The following SMARCAD1 variants were observed in gnomAD, a reference collection of about 807,000 sequenced individuals.
SMARCAD1 encodes SWI/SNF-related matrix-associated actin-dependent regulator of chromatin subfamily A containing DEAD/H box 1.
Under a neutral mutation model 127.1 loss-of-function variants are expected in SMARCAD1, and 25 were observed. The ratio of observed to expected loss-of-function variants is 0.20; its 90% CI spans 0.14 to 0.27. The LOEUF (loss-of-function observed/expected upper bound fraction) is 0.27, where lower values mean the gene tolerates loss of function less well. Among genes scored for constraint, SMARCAD1 ranks in the 10% least tolerant of loss-of-function variants. SMARCAD1 has a pLI of 1.00. For missense variants in SMARCAD1, 807 were observed against 1,206.0 expected (o/e 0.67, Z 4.90); for synonymous variants, 400 against 396.9 (o/e 1.01, Z -0.09).
rs117049546 is a variant in SMARCAD1, at chr4:94,233,237, A to G, written c.369-717A>G. ...TCATTCTCTGATCTCTATAACTTAC[A>G]TTCATTTGTTACTGTTCTAGTTCTG... On this transcript the variant is annotated intron_variant, in intron 3 of 23. Coordinates refer to ENST00000354268, the MANE Select transcript of SMARCAD1 (RefSeq NM_020159.5). Among the ~76,000 whole-genome samples the G allele has an allele frequency of 2.6e-4, 40 of 152,292 alleles. No homozygotes were observed. In the East Asian group the frequency reaches 6.9e-3, roughly 26 times the overall value.
At chr4:94,241,097 C>A in intron 6 of SMARCAD1, 91 bp downstream of exon 6, 1 of 827,894 alleles carries the variant, frequency 1.2e-6, no homozygotes, top group Non-Finnish European at 2.0e-6. Context: ...TGAAAATCCA[C>A]CTAAATGAAT....
At chr4:94,249,817 GTT>G in intron 7 of SMARCAD1, 62 bp downstream of exon 7, 1 of 951,950 alleles carries the variant, frequency 1.1e-6, no homozygotes, top group Non-Finnish European at 1.7e-6. Context: ...ATAAAATAGT[GTT>G]AAGAGTTCAA....
At chr4:94,280,487 A>G (rs898923417) in intron 19 of SMARCAD1, 105 bp from the exon 20 acceptor site, 5 of 1,013,176 alleles carry the variant, frequency 4.9e-6, no homozygotes, top group South Asian at 4.4e-5. Context: ...AAAAGGTTCT[A>G]TGATTTAGAT....
At chr4:94,266,355 G>C (rs1304542795) in intron 10 of SMARCAD1, among the ~76,000 whole-genome samples, 1 of 152,054 alleles carries the variant, frequency 6.6e-6, no homozygotes. Context: ...TAAATAGTTT[G>C]ATCAGGTAAT....
rs535710589 is a variant in SMARCAD1 at position 94,275,796 on chromosome 4, C to CTTTTTTTTT, written c.1809-533_1809-525dup. Among the ~76,000 whole-genome samples the CTTTTTTTTT allele has an allele frequency of 1.0e-3, 85 of 85,380 alleles. 3 individuals carry two copies. Among genetic ancestry groups the CTTTTTTTTT allele is most frequent in the African/African-American group, 2.1e-3 (56 of 26,712 alleles). 56.0% of individuals were successfully genotyped at this position (85,380 alleles called of 152,430 possible). ...TGTCCGATTGTAACATTAACATTTTCTTTTTTTTTTTTTTTTTTGAGACGG... is the reference window on the plus strand; with the variant it reads ...TGTCCGATTGTAACATTAACATTTTCTTTTTTTTTTTTTTTTTTTTTTTTTTTGAGACGG... On this transcript the variant is annotated intron_variant, in intron 14 of 23. Transcript: ENST00000354268.
intron 2 of SMARCAD1, among the ~76,000 whole-genome samples, chr4:94,213,448 A>G (rs1742617489): frequency 6.6e-6 from 1 of 152,192 alleles, no homozygotes; most frequent in Non-Finnish European, 1.5e-5. Context: ...TTTAGACAAT[A>G]TAGATGAAAC....
chr4:94,249,553 A>T, intron 6 of SMARCAD1, 101 bp from the exon 7 acceptor site: 1 of 726,436 alleles, frequency 1.4e-6, no homozygotes, highest in Non-Finnish European at 2.5e-6. Context: ...CTGACTGATG[A>T]TGATAATTTT....
In SMARCAD1 at chr4:94,226,022, A is replaced by G. The variant is rs530697341; in HGVS notation, c.191-97A>G. On this transcript the variant is annotated intron_variant, in intron 2 of 23. Coordinates refer to ENST00000354268, the MANE Select transcript of SMARCAD1 (RefSeq NM_020159.5). ...AATTTTGATTTTTAGATTGGAAACAATGAATGAAATTTGAGATTTTAGCAC... is the reference window on the plus strand; with the variant it reads ...AATTTTGATTTTTAGATTGGAAACAGTGAATGAAATTTGAGATTTTAGCAC... 2.1e-4 allele frequency: 214 copies of G among 1,037,038 alleles called. No individual in the cohort carries two copies. In the African/African-American group the frequency reaches 3.2e-3, roughly 15 times the overall value. The allele number at this position is 1,037,038 out of a possible 1,614,324, so 64.2% of individuals were successfully genotyped here.
rs985212222 is a variant in SMARCAD1, at chr4:94,221,413, T to C, written c.191-4706T>C. On this transcript the variant is annotated intron_variant, in intron 2 of 23. Transcript: ENST00000354268. ...CACATTGCAAATAACTCTAAGAAAT[T>C]ACCACCTGTCAAGTTTGGGTTTAGT... Among the ~76,000 whole-genome samples, 5 of 152,280 alleles carry C rather than the reference T, an allele frequency of 3.3e-5. No homozygotes were observed. The East Asian group carries it at 7.7e-4, about 24-fold the overall frequency.
At chr4:94,286,382 A>G (rs1000270875) in intron 23 of SMARCAD1, among the ~76,000 whole-genome samples, 5 of 152,292 alleles carry the variant, frequency 3.3e-5, no homozygotes, top group African/African-American at 1.2e-4. Flanking sequence ...CAAGCTTTAG[A>G]CATCTTACCT....
chr4:94,259,363 T>A (rs1750608478), intron 9 of SMARCAD1, among the ~76,000 whole-genome samples: 1 of 152,202 alleles, frequency 6.6e-6, no homozygotes, highest in Admixed American at 6.5e-5. Context: ...TCACAGTAAA[T>A]TCATTCAATT....
chr4:94,226,713 C>T (rs1375076204), intron 3 of SMARCAD1, among the ~76,000 whole-genome samples: 2 of 152,044 alleles, frequency 1.3e-5, no homozygotes, highest in Non-Finnish European at 2.9e-5. Context: ...AGAAATACAA[C>T]AGTGAACAAA....
intron 6 of SMARCAD1, among the ~76,000 whole-genome samples, chr4:94,245,143 G>T (rs1748220526): frequency 1.3e-5 from 2 of 152,158 alleles, no homozygotes; most frequent in Non-Finnish European, 2.9e-5. Flanking sequence ...TTTAAAACAA[G>T]CTATATTGAT....
chr4:94,265,001 A>G (rs1751522266), intron 10 of SMARCAD1, 95 bp downstream of exon 10: 1 of 1,242,738 alleles, frequency 8.0e-7, no homozygotes, highest in Non-Finnish European at 1.1e-6. Context: ...TGATATGGCA[A>G]CTAGTGGTAG....
chr4:94,214,091 AGT>A (rs1040815087), intron 2 of SMARCAD1, among the ~76,000 whole-genome samples: 2 of 152,172 alleles, frequency 1.3e-5, no homozygotes, highest in Admixed American at 6.5e-5. Flanking sequence ...GGGACTGATC[AGT>A]GACCAGTTTC....
chr4:94,289,250 A>C (rs932273914), intron 23 of SMARCAD1, among the ~76,000 whole-genome samples: 1 of 152,162 alleles, frequency 6.6e-6, no homozygotes, highest in East Asian at 1.9e-4. Context: ...AATTGGAAAA[A>C]TAACCTTAGA....
At chr4:94,207,749 G>A (rs998076626), upstream of SMARCAD1, 3 of 211,268 alleles carry the variant, frequency 1.4e-5, no homozygotes, top group African/African-American at 2.4e-5. Flanking sequence ...AGTACTGAGG[G>A]AAGAAAGAAC....
intron 15 of SMARCAD1, 128 bp from the exon 16 acceptor site, chr4:94,276,894 C>A: frequency 2.1e-6 from 2 of 966,434 alleles, no homozygotes; most frequent in Non-Finnish European, 3.1e-6. Context: ...TCATTTATCA[C>A]AGAATGTTAA....
chr4:94,246,836 A>G (rs550631361), intron 6 of SMARCAD1, among the ~76,000 whole-genome samples: 2 of 152,324 alleles, frequency 1.3e-5, no homozygotes, highest in East Asian at 3.9e-4. Context: ...CTGAAGGTAT[A>G]TCATTAAACC....
Sources: allele counts gnomAD v4.1 joint callset (sites outside exome capture counted in the v4.1 genomes callset), GRCh38; gene constraint gnomAD v4.1.1; transcripts MANE v1.5; gene names NCBI Gene and HGNC (gene_info 2026-07-23, HGNC 2026-07-21).